Variants in MYCBPAP observed in about 807,000 individuals in gnomAD.
MYCBPAP encodes the protein MYCBP associated protein.
Under a neutral mutation model 106.1 loss-of-function variants are expected in MYCBPAP, and 60 were observed. The ratio of observed to expected loss-of-function variants is 0.57; its 90% CI spans 0.46 to 0.70. MYCBPAP has a LOEUF of 0.70. Ranked by LOEUF, MYCBPAP falls within the 30% of genes least tolerant of loss-of-function variation. MYCBPAP has a pLI of 0.00. For missense variants in MYCBPAP, 1,064 were observed against 1,169.3 expected (o/e 0.91, Z 1.31); for synonymous variants, 407 against 440.6 (o/e 0.92, Z 0.95).
intron 11 of MYCBPAP, 55 bp from the exon 12 acceptor site, chr17:50,523,542 C>T: frequency 6.3e-7 from 1 of 1,581,868 alleles, no homozygotes; most frequent in Non-Finnish European, 8.7e-7. Context: ...GCATGTAGGC[C>T]TGGGGCTCAG....
intron 7 of MYCBPAP, among the ~76,000 whole-genome samples, chr17:50,520,530 TAAAC>T (rs1039650760): frequency 6.7e-5 from 5 of 74,266 alleles, no homozygotes; most frequent in African/African-American, 1.1e-4. Context: ...AATAAATAAA[TAAAC>T]AAACAAACAA....
chr17:50,519,795 G>C lies in MYCBPAP; in HGVS notation c.916+8G>C. 1.2e-6 allele frequency: 2 copies of C among 1,612,128 alleles called. No homozygotes were observed. Among genetic ancestry groups the C allele is most frequent in the Non-Finnish European group, 1.7e-6 (2 of 1,179,262 alleles). ...CCATCCGGGTGGAGACAGGTGAGGC[G>C]CAGGGCTGTAAGCCAGCTAGCATCT... On this transcript the variant is annotated splice_region_variant and intron_variant, in intron 7 of 18. Transcript: ENST00000323776.
intron 18 of MYCBPAP, among the ~76,000 whole-genome samples, chr17:50,530,675 ACC>A (rs1417339971): frequency 6.6e-6 from 1 of 151,562 alleles, no homozygotes; most frequent in East Asian, 1.9e-4. Context: ...GTATGATCCA[ACC>A]CCATTGGAGG....
At chr17:50,511,288 G>A (rs2033838554) in intron 1 of MYCBPAP, among the ~76,000 whole-genome samples, 1 of 151,982 alleles carries the variant, frequency 6.6e-6, no homozygotes, top group Non-Finnish European at 1.5e-5. Context: ...GAGCCCTTTT[G>A]AGTCCTAGTA....
chr17:50,512,863 C>T (rs537374547), intron 1 of MYCBPAP, among the ~76,000 whole-genome samples: 1 of 152,232 alleles, frequency 6.6e-6, no homozygotes, highest in East Asian at 1.9e-4. Context: ...CACCTGAGGT[C>T]AGGAGTTTGA....
In MYCBPAP at chr17:50,516,772, G is replaced by C. The variant is rs56697616; in HGVS notation, c.204+75G>C. On this transcript the variant is annotated intron_variant, in intron 2 of 18. Coordinates refer to ENST00000323776, the MANE Select transcript of MYCBPAP (RefSeq NM_032133.6). ...GCAGCCTGAGTGGTCTAGAACACCA[G>C]CCATGTCCCTACTCATGGGGAGTGT... 2.2e-3 allele frequency: 3,402 copies of C among 1,559,098 alleles called. 60 individuals are homozygous for C. The African/African-American group carries it at 0.041, about 19-fold the overall frequency.
At position 50,519,776 on chromosome 17, in the gene MYCBPAP, G is replaced by A. The variant is rs771543139; in HGVS notation, c.905G>A (p.Arg302Gln). 7.4e-6 allele frequency: 12 copies of A among 1,613,592 alleles called. No homozygotes were observed. In the South Asian group the frequency reaches 8.8e-5, roughly 12 times the overall value. The change falls in exon 7 of 19, where the codon CGG becomes CAG. Residue 302 changes from arginine to glutamine, a missense_variant. Physicochemically the swap from Arg to Gln is conservative, Grantham distance 43. Coordinates refer to ENST00000323776, the MANE Select transcript of MYCBPAP (RefSeq NM_032133.6). ...ITHIRKPHSI[R>Q]VETGLPAQRD... is the part of the protein sequence containing the mutation. ...CACATCAGGAAGCCCCACTCCATCC[G>A]GGTGGAGACAGGTGAGGCGCAGGGC...
Position 50,527,349 on chromosome 17 carries a change from A to C in MYCBPAP, c.2232A>C (p.Ala744=), listed in dbSNP as rs748880613. The C allele has an allele frequency of 5.0e-6, 8 of 1,614,132 alleles. No individual in the cohort carries two copies. Among genetic ancestry groups the C allele is most frequent in the Non-Finnish European group, 6.8e-6 (8 of 1,180,002 alleles). The change falls in exon 15 of 19, where the codon GCA becomes GCC. Residue 744 remains alanine, a synonymous_variant. Transcript: ENST00000323776. ...REDALMRLNK[A]ALELCQKPRP... is the part of the protein sequence containing the mutation. ...ATGCGTTGATGAGGCTCAACAAAGC[A>C]GCCCTGGAGCTGTGCCAGAAGCCAA...
chr17:50,525,659 C>CTCTCTTT (rs57947501), intron 13 of MYCBPAP, among the ~76,000 whole-genome samples: 1 of 131,364 alleles, frequency 7.6e-6, no homozygotes, highest in African/African-American at 2.9e-5. Context: ...GCTAATTTCT[C>CTCTCTTT]TTTTTTTTTT....
chr17:50,523,252 C>T, intron 11 of MYCBPAP, 124 bp downstream of exon 11: 1 of 940,816 alleles, frequency 1.1e-6, no homozygotes, highest in East Asian at 2.4e-5. Flanking sequence ...CCTGCCTTGT[C>T]CCTCTCATTC....
chr17:50,529,361 A>G, intron 18 of MYCBPAP, 173 bp downstream of exon 18: 1 of 630,732 alleles, frequency 1.6e-6, no homozygotes, highest in Non-Finnish European at 2.7e-6. Flanking sequence ...CTAGCATGTT[A>G]GGTGATGAGT....
intron 9 of MYCBPAP, 55 bp from the exon 10 acceptor site, chr17:50,521,918 A>T: frequency 6.5e-7 from 1 of 1,539,990 alleles, no homozygotes; most frequent in Non-Finnish European, 9.0e-7. Flanking sequence ...GTGGGGTTCC[A>T]CATGGCATGA....
Position 50,519,033 on chromosome 17 carries a change from AT to A in MYCBPAP, c.713del (p.Ile238ThrfsTer37), listed in dbSNP as rs1339689237. The A allele has an allele frequency of 3.7e-6, 6 of 1,613,992 alleles. No homozygotes were observed. The East Asian group carries it at 1.3e-4, about 36-fold the overall frequency. ...GCACACCGGGGAGACCTACAGACGG[AT>A]CCAGGAGGAGCGGGAGCTCATTGAC... ...LMHTGETYRR[I>X]QEERELIDCT... On this transcript the variant is annotated frameshift_variant, in exon 6 of 19. Coordinates refer to ENST00000323776, the MANE Select transcript of MYCBPAP (RefSeq NM_032133.6). LOFTEE classifies it high-confidence loss of function.
Position 50,531,481 on chromosome 17 carries a change from A to T in MYCBPAP, c.*53A>T. ...AACGGGTTAATAAATAAATCAATAA[A>T]GAACCTTCAAGTTTCTACTACTTCC... On this transcript the variant is annotated 3_prime_UTR_variant, in exon 19 of 19. Coordinates refer to ENST00000323776, the MANE Select transcript of MYCBPAP (RefSeq NM_032133.6). 7.3e-7 allele frequency: 1 copy of T among 1,367,644 alleles called. No homozygotes were observed. Among genetic ancestry groups the T allele is most frequent in the Non-Finnish European group, 1.0e-6 (1 of 990,472 alleles). 84.7% of individuals were successfully genotyped at this position (1,367,644 alleles called of 1,614,324 possible).
In MYCBPAP at chr17:50,518,690, A is replaced by C. The variant is rs1438903816; in HGVS notation, c.618A>C (p.Thr206=). 1 of 1,597,938 alleles carries C rather than the reference A, an allele frequency of 6.3e-7. No homozygotes were observed. Among genetic ancestry groups the C allele is most frequent in the Admixed American group, 1.8e-5 (1 of 56,052 alleles). Residue 206 remains threonine (T), a synonymous_variant, in exon 5 of 19, where the codon ACA becomes ACC. Transcript: ENST00000323776. ...HNFLKNWQRN[T]ALRKKQQEAL... ...TTCTGAAAAACTGGCAGCGTAACAC[A>C]GCCCTGCGGAAGAAGCAGCAGGAAG...
upstream of MYCBPAP, among the ~76,000 whole-genome samples, chr17:50,507,784 A>G (rs1276867461): frequency 6.6e-6 from 1 of 152,210 alleles, no homozygotes; most frequent in Non-Finnish European, 1.5e-5. Context: ...GGTTGGGGGC[A>G]GGGCCTGAGG....
In MYCBPAP at chr17:50,527,336, G is replaced by A. The variant is rs769932972; in HGVS notation, c.2219G>A (p.Arg740Lys). The change falls in exon 15 of 19, where the codon AGG (arginine) becomes AAG (lysine). Residue 740 changes from arginine (R) to lysine (K), a missense_variant. Physicochemically the swap from Arg to Lys is conservative, Grantham distance 26 (BLOSUM62 2). Transcript: ENST00000323776. ...DENHREDALMRLNKAALELCQ... is the reference protein window; with the variant it reads ...DENHREDALMKLNKAALELCQ... Reference sequence around the variant, plus strand: ...AACCACAGAGAGGATGCGTTGATGAGGCTCAACAAAGCAGCCCTGGAGCTG... The same window carrying A: ...AACCACAGAGAGGATGCGTTGATGAAGCTCAACAAAGCAGCCCTGGAGCTG... 1 of 1,614,118 alleles carries A rather than the reference G, an allele frequency of 6.2e-7. No homozygotes were observed. Among genetic ancestry groups the A allele is most frequent in the South Asian group, 1.1e-5 (1 of 91,076 alleles).
rs2034183995 is a variant in MYCBPAP at position 50,519,651 on chromosome 17, C to G, written c.780C>G (p.Asn260Lys). 6.2e-7 allele frequency: 1 copy of G among 1,613,972 alleles called. No individual in the cohort carries two copies. The highest frequency in any genetic ancestry group is 1.7e-5 in the Admixed American group (1 of 60,000). The change falls in exon 7 of 19, where the codon AAC (asparagine) becomes AAG (lysine). Residue 260 changes from asparagine to lysine, a missense_variant. Coordinates refer to ENST00000323776, the MANE Select transcript of MYCBPAP (RefSeq NM_032133.6). ...TCCTTCCTTGCCAGAGCTGGGAGAA[C>G]AGTGGGTTCTGGAGTCGACTGGAAT... Reference protein sequence around the residue: ...PTRRDRKSWENSGFWSRLEYL... With the variant: ...PTRRDRKSWEKSGFWSRLEYL...
rs80168318 is a variant in MYCBPAP at position 50,518,420 on chromosome 17, G to A, written c.469-121G>A. 1.2e-3 allele frequency: 968 copies of A among 827,790 alleles called. 8 individuals carry two copies. In the African/African-American group the frequency reaches 0.015, roughly 13 times the overall value. 51.3% of individuals were successfully genotyped at this position (827,790 alleles called of 1,614,324 possible). A position where few individuals can be genotyped will look rare whatever the true frequency, so the allele number is the denominator to read the frequency against. ...CTGTCACTGGCTACTCTGGAGTCCTGAAGAGGAGGGACTCTCAGCGCAGTG... is the reference window on the plus strand; with the variant it reads ...CTGTCACTGGCTACTCTGGAGTCCTAAAGAGGAGGGACTCTCAGCGCAGTG... On this transcript the variant is annotated intron_variant, in intron 4 of 18. Transcript: ENST00000323776.
Sources: allele counts gnomAD v4.1 joint callset (sites outside exome capture counted in the v4.1 genomes callset), GRCh38; gene constraint gnomAD v4.1.1; transcripts MANE v1.5; gene names NCBI Gene and HGNC (gene_info 2026-07-23, HGNC 2026-07-21).